ANK2: variants seen among roughly 807,000 people sequenced by gnomAD.
The protein encoded by ANK2 is ankyrin 2, also known as ankyrin-2.
In ANK2, 83 loss-of-function variants were observed where a neutral mutation model predicts 360.5. The ratio of observed to expected loss-of-function variants is 0.23; its 90% CI spans 0.19 to 0.28. The LOEUF (loss-of-function observed/expected upper bound fraction) is 0.28, where lower values mean the gene tolerates loss of function less well. ANK2 is among the 10% of genes least tolerant of loss of function. The pLI is 1.00. For synonymous variants in ANK2, 1,740 were observed against 1,759.5 expected (o/e 0.99, Z 0.28); for missense variants, 4,201 against 4,795.7 (o/e 0.88, Z 3.66).
chr4:113,029,142 A>G (rs2059865501), intron 2 of ANK2, among the ~76,000 whole-genome samples: 1 of 152,176 alleles, frequency 6.6e-6, no homozygotes, highest in African/African-American at 2.4e-5. Flanking sequence ...AGTGTGGATT[A>G]TATATTACTT....
intron 13 of ANK2, among the ~76,000 whole-genome samples, chr4:113,263,090 A>AG (rs768234398): frequency 2.7e-5 from 4 of 149,050 alleles, no homozygotes; most frequent in Non-Finnish European, 5.9e-5. Flanking sequence ...TGGGAGGCTG[A>AG]GGCAGGAGAA....
chr4:113,108,885 A>G (rs2093971434), intron 1 of ANK2, among the ~76,000 whole-genome samples: 1 of 152,236 alleles, frequency 6.6e-6, no homozygotes, highest in South Asian at 2.1e-4. Context: ...TCTTTCAATT[A>G]CATCTTATCA....
intron 1 of ANK2, among the ~76,000 whole-genome samples, chr4:113,122,884 C>T (rs182874130): frequency 6.6e-6 from 1 of 151,540 alleles, no homozygotes; most frequent in African/African-American, 2.4e-5. Context: ...CACTCTTCAC[C>T]AGCACCATAA....
intron 14 of ANK2, among the ~76,000 whole-genome samples, chr4:113,268,524 G>C (rs2057171699): frequency 6.6e-6 from 1 of 151,946 alleles, no homozygotes; most frequent in Non-Finnish European, 1.5e-5. Flanking sequence ...TTTTGTCATT[G>C]GTTCTGTTTA....
At chr4:113,360,954 G>A in intron 39 of ANK2, 57 bp downstream of exon 39, 1 of 1,472,820 alleles carries the variant, frequency 6.8e-7, no homozygotes, top group Non-Finnish European at 9.4e-7. Context: ...CATCAGTCAG[G>A]TGTCATTCAC....
upstream of ANK2, among the ~76,000 whole-genome samples, chr4:113,045,204 A>G (rs1251766379): frequency 6.6e-6 from 1 of 152,206 alleles, no homozygotes; most frequent in African/African-American, 2.4e-5. Context: ...GTTTAATAAA[A>G]TAGAATAGGC....
rs75974728 is a variant in ANK2 at position 112,972,016 on chromosome 4, G to A, written c.21+67502G>A. 4.4e-3 allele frequency among the ~76,000 whole-genome samples: 675 copies of A among 152,286 alleles called. 10 individuals carry two copies. Among genetic ancestry groups the A allele is most frequent in the African/African-American group, 0.015 (630 of 41,548 alleles). ...ATGTACAAGAATCACTCAAGGATTG[G>A]TGGGCCCCTTTTACAATTCTGCCAA... is the stretch of plus-strand genomic sequence containing the variant. On this transcript the variant is annotated intron_variant, in intron 2 of 30. Transcript: ENST00000503271.
intron 1 of ANK2, among the ~76,000 whole-genome samples, chr4:113,127,670 G>A (rs114587799): frequency 0.016 from 2,405 of 152,094 alleles, 68 homozygotes; most frequent in African/African-American, 0.053. Context: ...TGATCAAAGT[G>A]GAAGGAAGGG....
chr4:113,200,468 A>G (rs1462305730), intron 4 of ANK2, among the ~76,000 whole-genome samples: 1 of 152,206 alleles, frequency 6.6e-6, no homozygotes, highest in Non-Finnish European at 1.5e-5. Flanking sequence ...TTCAACCTTC[A>G]GTCCCTTCTC....
intron 26 of ANK2, among the ~76,000 whole-genome samples, chr4:113,326,275 A>G (rs558095966): frequency 8.5e-5 from 13 of 152,154 alleles, no homozygotes; most frequent in African/African-American, 3.1e-4. Context: ...ACCCAATTTT[A>G]TATTATCAAC....
At chr4:113,340,602 G>A (rs2094156921) in intron 32 of ANK2, among the ~76,000 whole-genome samples, 1 of 152,076 alleles carries the variant, frequency 6.6e-6, no homozygotes. Flanking sequence ...AGGTTGAGGC[G>A]GGAGGATCTC....
At chr4:113,090,381 A>AAC (rs1226488320) in intron 1 of ANK2, among the ~76,000 whole-genome samples, 1 of 152,210 alleles carries the variant, frequency 6.6e-6, no homozygotes, top group Admixed American at 6.5e-5. Context: ...AGTGGTATGA[A>AAC]ACAGATATCC....
chr4:113,293,905 G>A (rs531635464), intron 22 of ANK2, among the ~76,000 whole-genome samples: 2 of 152,220 alleles, frequency 1.3e-5, no homozygotes, highest in East Asian at 3.9e-4. Flanking sequence ...ACTTACCTTA[G>A]CCAGGAGGTC....
intron 1 of ANK2, among the ~76,000 whole-genome samples, chr4:112,850,292 C>CTATCTATA (rs1242889162): frequency 1.5e-5 from 2 of 136,920 alleles, no homozygotes; most frequent in South Asian, 2.3e-4. Flanking sequence ...ATCTATCTAT[C>CTATCTATA]TATCTATCTA....
At chr4:113,243,457 G>T (rs890374224) in intron 9 of ANK2, among the ~76,000 whole-genome samples, 1 of 152,116 alleles carries the variant, frequency 6.6e-6, no homozygotes, top group African/African-American at 2.4e-5. Flanking sequence ...ATGACCTCAG[G>T]AAACCTTGCT....
At chr4:113,148,105 C>T (rs994281137) in intron 1 of ANK2, among the ~76,000 whole-genome samples, 25 of 152,096 alleles carry the variant, frequency 1.6e-4, no homozygotes, top group Non-Finnish European at 2.9e-5. Context: ...TTGTTAGGGT[C>T]CAAGTAGGCT....
chr4:113,352,408 G>A (rs1168423077), intron 37 of ANK2, among the ~76,000 whole-genome samples: 1 of 152,148 alleles, frequency 6.6e-6, no homozygotes, highest in Non-Finnish European at 1.5e-5. Flanking sequence ...TTGTTTCATT[G>A]TTAGGTGTGA....
chr4:113,338,612 C>G (rs1219337132), intron 31 of ANK2, among the ~76,000 whole-genome samples: 13 of 139,536 alleles, frequency 9.3e-5, no homozygotes, highest in African/African-American at 3.3e-4. Context: ...TGCAGTGGCA[C>G]AATCTCGGCT....
At chr4:112,763,774 C>T in the ANK2 span, among the ~76,000 whole-genome samples, 2 of 152,052 alleles carry the variant, frequency 1.3e-5, no homozygotes, top group African/African-American at 4.8e-5. Context: ...CCCGCCTCGG[C>T]CTCCCAAAGT....
Sources: gnomAD v4.1 joint callset for allele counts (sites outside exome capture counted in the v4.1 genomes callset) on GRCh38, gnomAD v4.1.1 for gene constraint, MANE v1.5 for transcripts, NCBI Gene and HGNC (gene_info 2026-07-23, HGNC 2026-07-21) for gene names.